Variants in THSD7B observed in about 807,000 individuals in gnomAD.
THSD7B encodes thrombospondin type 1 domain containing 7B.
A neutral mutation model predicts 213.6 loss-of-function variants in THSD7B; 138 were observed. That is an observed-to-expected ratio of 0.65 (90% CI 0.56 to 0.74). The LOEUF (loss-of-function observed/expected upper bound fraction) is 0.74. Among genes scored for constraint, THSD7B ranks in the 30% least tolerant of loss-of-function variants. The pLI is 0.00. For synonymous variants in THSD7B, 742 were observed against 687.0 expected, an observed-to-expected ratio of 1.08 and a Z score of -1.25; for missense variants, 1,931 against 1,991.5, an observed-to-expected ratio of 0.97 and a Z score of 0.58.
rs114840300 is a variant in THSD7B at position 137,656,119 on chromosome 2, A to G, written c.4105+459A>G. Among the ~76,000 whole-genome samples the G allele has an allele frequency of 2.4e-3, 360 of 152,324 alleles. 3 individuals carry two copies. Among genetic ancestry groups the G allele is most frequent in the African/African-American group, 8.4e-3 (350 of 41,564 alleles). The stretch of plus-strand genomic sequence containing the variant: ...AAATGTGAAGTTCCATATAAATGTG[A>G]AGTTCTATATAAATTTTATTAGTTA... On this transcript the variant is annotated intron_variant, in intron 22 of 27. Transcript: ENST00000409968.
At chr2:137,503,889 G>C (rs1348329963) in intron 15 of THSD7B, among the ~76,000 whole-genome samples, 1 of 152,036 alleles carries the variant, frequency 6.6e-6, no homozygotes, top group Non-Finnish European at 1.5e-5. Context: ...GCTGGGCGTG[G>C]TGGAATGCGC....
intron 12 of THSD7B, among the ~76,000 whole-genome samples, chr2:137,343,206 T>C (rs1281748839): frequency 6.6e-6 from 1 of 151,438 alleles, no homozygotes; most frequent in Non-Finnish European, 1.5e-5. Flanking sequence ...TTGCAAGGAA[T>C]GGTATTAGTT....
At position 137,093,087 on chromosome 2, in the gene THSD7B, C is replaced by T. The variant is rs144589492; in HGVS notation, c.951-1786C>T. Reference sequence around the variant, plus strand: ...GGTTGCCTTTGACTGAATAGAGGAACGAATAACAAGGGACAAAAGGAACAG... The same window carrying T: ...GGTTGCCTTTGACTGAATAGAGGAATGAATAACAAGGGACAAAAGGAACAG... On this transcript the variant is annotated intron_variant, in intron 3 of 27. Transcript: ENST00000409968. Among the ~76,000 whole-genome samples, 352 of 152,256 alleles carry T rather than the reference C, an allele frequency of 2.3e-3. 3 individuals carry two copies. Among genetic ancestry groups the T allele is most frequent in the African/African-American group, 7.7e-3 (318 of 41,544 alleles).
intron 15 of THSD7B, among the ~76,000 whole-genome samples, chr2:137,469,297 A>G (rs1426766596): frequency 6.6e-6 from 1 of 152,210 alleles, no homozygotes; most frequent in African/African-American, 2.4e-5. Flanking sequence ...GAGAAAGAAA[A>G]CTGAATAGAA....
At chr2:136,849,830 A>G (rs894001462) in intron 1 of THSD7B, among the ~76,000 whole-genome samples, 1 of 152,126 alleles carries the variant, frequency 6.6e-6, no homozygotes, top group Non-Finnish European at 1.5e-5. Flanking sequence ...AAAACAAACA[A>G]TATAACACCT....
intron 7 of THSD7B, among the ~76,000 whole-genome samples, chr2:137,209,455 G>T (rs13408148): frequency 0.6 from 90,150 of 151,274 alleles, 27,231 homozygotes; most frequent in South Asian, 0.71. Flanking sequence ...GGTCCCACAG[G>T]GTGCCAGATT....
chr2:137,027,482 T>G (rs1487269269), intron 2 of THSD7B, among the ~76,000 whole-genome samples: 3 of 152,188 alleles, frequency 2.0e-5, no homozygotes, highest in African/African-American at 7.2e-5. Flanking sequence ...TTACTCACAT[T>G]CTGTTGGCAA....
At chr2:136,984,950 A>G (rs1300170277) in intron 2 of THSD7B, among the ~76,000 whole-genome samples, 1 of 152,302 alleles carries the variant, frequency 6.6e-6, no homozygotes, top group East Asian at 1.9e-4. Flanking sequence ...TTTGTGCCCT[A>G]GGGATCTGTG....
intron 10 of THSD7B, among the ~76,000 whole-genome samples, chr2:137,248,554 T>C (rs1411772741): frequency 6.6e-6 from 1 of 152,198 alleles, no homozygotes; most frequent in Non-Finnish European, 1.5e-5. Context: ...TCAATCTGAA[T>C]GTCAAAAAGG....
chr2:137,345,677 A>G (rs949204968), intron 12 of THSD7B, among the ~76,000 whole-genome samples: 1 of 151,630 alleles, frequency 6.6e-6, no homozygotes, highest in South Asian at 2.1e-4. Context: ...AGAAAGAAAA[A>G]TAGCTGAGCA....
chr2:136,882,144 G>C lies in THSD7B; in HGVS notation c.-35G>C. The C allele has an allele frequency of 6.8e-7, 1 of 1,463,574 alleles. No individual in the cohort carries two copies. Among genetic ancestry groups the C allele is most frequent in the Non-Finnish European group, 9.0e-7 (1 of 1,107,090 alleles). The allele number at this position is 1,463,574 out of a possible 1,614,324, so 90.7% of individuals were successfully genotyped here. On this transcript the variant is annotated splice_region_variant and 5_prime_UTR_variant, in exon 2 of 28. Transcript: ENST00000409968. ...CCTGATTTTTCTTTTTCTCTTTTAG[G>C]AATAGGCAAGTCAAGAGGCTGAAAA...
intron 2 of THSD7B, among the ~76,000 whole-genome samples, chr2:137,011,668 C>A (rs1423755843): frequency 6.6e-6 from 1 of 152,196 alleles, no homozygotes; most frequent in Non-Finnish European, 1.5e-5. Context: ...GCTGGACTCA[C>A]TGGTGTTTGC....
chr2:137,598,848 T>C (rs1682016807), intron 17 of THSD7B, among the ~76,000 whole-genome samples: 2 of 150,070 alleles, frequency 1.3e-5, no homozygotes, highest in African/African-American at 5.0e-5. Flanking sequence ...TCCTCCCTTC[T>C]TTTTTTTCTT....
intron 2 of THSD7B, among the ~76,000 whole-genome samples, chr2:136,943,208 C>T (rs1321349148): frequency 6.6e-6 from 1 of 152,178 alleles, no homozygotes; most frequent in Non-Finnish European, 1.5e-5. Flanking sequence ...GTTGAACCAG[C>T]CTTGCATCCC....
chr2:137,154,353 G>A (rs768243496), intron 5 of THSD7B, among the ~76,000 whole-genome samples: 10 of 152,110 alleles, frequency 6.6e-5, no homozygotes, highest in Middle Eastern at 3.4e-3. Context: ...AACACTTTCT[G>A]AATTTTGAAA....
intron 2 of THSD7B, among the ~76,000 whole-genome samples, chr2:136,922,951 C>CT (rs1303185975): frequency 1.3e-5 from 2 of 152,112 alleles, no homozygotes; most frequent in African/African-American, 2.4e-5. Context: ...TTACCAGTGT[C>CT]TTTTTTTATT....
intron 3 of THSD7B, among the ~76,000 whole-genome samples, chr2:137,065,999 A>G (rs921902868): frequency 6.6e-5 from 10 of 151,976 alleles, no homozygotes; most frequent in South Asian, 2.1e-4. Context: ...TCCTTCTCCA[A>G]TTGGCAGTTT....
intron 5 of THSD7B, among the ~76,000 whole-genome samples, chr2:137,158,451 C>T (rs1271617694): frequency 1.3e-5 from 2 of 152,194 alleles, no homozygotes; most frequent in African/African-American, 4.8e-5. Flanking sequence ...GGCTTGCAAA[C>T]TGTAACATTT....
At chr2:137,188,517 A>G (rs1289048959) in intron 7 of THSD7B, among the ~76,000 whole-genome samples, 1 of 152,242 alleles carries the variant, frequency 6.6e-6, no homozygotes, top group African/African-American at 2.4e-5. Context: ...TGCATATTTT[A>G]TCTCTCTTAC....
Sources: gnomAD v4.1 joint callset for allele counts (sites outside exome capture counted in the v4.1 genomes callset) on GRCh38, gnomAD v4.1.1 for gene constraint, MANE v1.5 for transcripts, NCBI Gene and HGNC (gene_info 2026-07-23, HGNC 2026-07-21) for gene names.